THSD7B: variants seen among roughly 807,000 people sequenced by gnomAD.
The protein encoded by THSD7B is thrombospondin type-1 domain-containing protein 7B.
In THSD7B, 138 loss-of-function variants were observed where a neutral mutation model predicts 213.6. That is an observed-to-expected ratio of 0.65 (90% confidence interval 0.56 to 0.74). THSD7B has a LOEUF of 0.74. Among genes scored for constraint, THSD7B ranks in the 30% least tolerant of loss-of-function variants. The pLI, the probability that THSD7B is intolerant of heterozygous loss-of-function variation, is 0.00. For synonymous variants in THSD7B, 742 were observed against 687.0 expected (o/e 1.08, Z -1.25); for missense variants, 1,931 against 1,991.5 (o/e 0.97, Z 0.58).
At chr2:137,325,580 G>GAC (rs145681799) in intron 12 of THSD7B, among the ~76,000 whole-genome samples, 6 of 151,384 alleles carry the variant, frequency 4.0e-5, no homozygotes, top group South Asian at 2.1e-4. Context: ...ATAACTCACA[G>GAC]ACACACACAC....
At chr2:136,940,712 T>TATATATATATATATATA (rs1558860482) in intron 2 of THSD7B, among the ~76,000 whole-genome samples, 1 of 34,608 alleles carries the variant, frequency 2.9e-5, no homozygotes, top group African/African-American at 8.8e-5. Flanking sequence ...TGTGTGTGTG[T>TATATATATATATATATA]ATATATATAT....
chr2:137,030,192 A>G (rs1686638999), intron 2 of THSD7B, among the ~76,000 whole-genome samples: 1 of 152,234 alleles, frequency 6.6e-6, no homozygotes, highest in Non-Finnish European at 1.5e-5. Context: ...ACAGACAACA[A>G]GAGATACTCC....
chr2:137,056,747 A>G lies in THSD7B; in HGVS notation c.467A>G (p.Asn156Ser). The G allele has an allele frequency of 6.2e-7, 1 of 1,614,012 alleles. No individual in the cohort carries two copies. The highest frequency in any genetic ancestry group is 8.5e-7 in the Non-Finnish European group (1 of 1,179,888). ...IQKLNRTVVA[N>S]EICEHFALQP... ...AAGCTGAACCGAACTGTGGTTGCAA[A>G]TGAAATATGCGAACACTTTGCCCTT... Residue 156 changes from asparagine to serine, a missense_variant, in exon 3 of 28, where the codon AAT (asparagine) becomes AGT (serine). Transcript: ENST00000409968.
chr2:137,601,055 TACA>T (rs1359469858), intron 17 of THSD7B, among the ~76,000 whole-genome samples: 1 of 152,204 alleles, frequency 6.6e-6, no homozygotes, highest in African/African-American at 2.4e-5. Context: ...TGTTAGGCTA[TACA>T]ACGTGTTTGT....
intron 20 of THSD7B, among the ~76,000 whole-genome samples, chr2:137,637,774 C>T (rs138456294): frequency 1.3e-5 from 2 of 152,172 alleles, no homozygotes; most frequent in African/African-American, 4.8e-5. Context: ...CTCAGCATGC[C>T]ATCAATTCAA....
intron 12 of THSD7B, among the ~76,000 whole-genome samples, chr2:137,373,321 A>G (rs1685574621): frequency 6.6e-6 from 1 of 152,172 alleles, no homozygotes; most frequent in Admixed American, 6.5e-5. Context: ...CCAACAGTGT[A>G]CAAGTGTTCC....
At chr2:137,143,186 A>G (rs1190222023) in intron 5 of THSD7B, among the ~76,000 whole-genome samples, 2 of 152,146 alleles carry the variant, frequency 1.3e-5, no homozygotes, top group African/African-American at 4.8e-5. Flanking sequence ...CACGTGCCTG[A>G]TCTTTTTCTT....
At chr2:136,857,934 C>T (rs1683201189) in intron 1 of THSD7B, among the ~76,000 whole-genome samples, 1 of 152,180 alleles carries the variant, frequency 6.6e-6, no homozygotes, top group African/African-American at 2.4e-5. Context: ...TTGTTTTTCT[C>T]CTCTGTCTAC....
intron 12 of THSD7B, among the ~76,000 whole-genome samples, chr2:137,390,238 T>G (rs1324089585): frequency 6.6e-6 from 1 of 152,158 alleles, no homozygotes; most frequent in Non-Finnish European, 1.5e-5. Context: ...TGTTTTATAG[T>G]TTTTCTTATA....
At chr2:137,644,564 C>T (rs1003917818) in intron 21 of THSD7B, among the ~76,000 whole-genome samples, 20 of 152,192 alleles carry the variant, frequency 1.3e-4, no homozygotes, top group African/African-American at 4.3e-4. Context: ...TACATTCCTA[C>T]TTTTCCTGCA....
intron 21 of THSD7B, among the ~76,000 whole-genome samples, chr2:137,643,588 T>G (rs1314716754): frequency 6.6e-6 from 1 of 152,344 alleles, no homozygotes; most frequent in East Asian, 1.9e-4. Flanking sequence ...ATTAATACTT[T>G]GTCTACTAGT....
In THSD7B at chr2:137,357,411, GT is replaced by G. The variant is rs570522669; in HGVS notation, c.2501-48195del. ...ATAATATGTTTTTCTGAGCTTTAGA[GT>G]TTTTTTGTTTGTTTGTTTGTTTACA... On this transcript the variant is annotated intron_variant, in intron 12 of 27. Coordinates refer to ENST00000409968, the MANE Select transcript of THSD7B (RefSeq NM_001316349.2). Among the ~76,000 whole-genome samples the G allele has an allele frequency of 3.5e-3, 534 of 151,646 alleles. 3 individuals carry two copies. The highest frequency in any genetic ancestry group is 0.012 in the African/African-American group (496 of 41,082).
At chr2:136,846,796 T>C (rs1015005590) in intron 1 of THSD7B, among the ~76,000 whole-genome samples, 1 of 152,178 alleles carries the variant, frequency 6.6e-6, no homozygotes, top group Non-Finnish European at 1.5e-5. Context: ...ATTTCCATAT[T>C]ACCTTTAGGA....
intron 5 of THSD7B, among the ~76,000 whole-genome samples, chr2:137,131,992 T>C (rs568447712): frequency 2.0e-4 from 30 of 150,942 alleles, no homozygotes; most frequent in African/African-American, 4.4e-4. Context: ...TTTCACGATA[T>C]TGATTCTTCC....
chr2:136,974,562 G>T (rs1471166180), intron 2 of THSD7B, among the ~76,000 whole-genome samples: 1 of 152,166 alleles, frequency 6.6e-6, no homozygotes, highest in South Asian at 2.1e-4. Context: ...GTATTCCATT[G>T]TGTATATGTA....
At chr2:137,615,316 G>T (rs1682363360) in intron 17 of THSD7B, among the ~76,000 whole-genome samples, 1 of 152,214 alleles carries the variant, frequency 6.6e-6, no homozygotes, top group South Asian at 2.1e-4. Context: ...GCTCAAAAAG[G>T]AAGAGAAGAA....
intron 27 of THSD7B, among the ~76,000 whole-genome samples, chr2:137,672,721 G>A (rs1449116031): frequency 6.6e-6 from 1 of 152,176 alleles, no homozygotes; most frequent in Non-Finnish European, 1.5e-5. Flanking sequence ...CAGGTCTTTG[G>A]TGTATACTTC....
At chr2:136,932,592 G>T (rs984893404) in intron 2 of THSD7B, among the ~76,000 whole-genome samples, 5 of 152,062 alleles carry the variant, frequency 3.3e-5, no homozygotes, top group African/African-American at 1.2e-4. Flanking sequence ...CTAGAGAAAA[G>T]AAAACATTAT....
rs146312556 is a variant in THSD7B at position 137,164,020 on chromosome 2, C to A, written c.1525+3652C>A. Among the ~76,000 whole-genome samples the A allele has an allele frequency of 5.3e-5, 8 of 152,254 alleles. No individual in the cohort carries two copies. In the East Asian group the frequency reaches 9.7e-4, roughly 18 times the overall value. ...CTGAGAAGAGAAGCCATCTGCCCAT[C>A]ATGCACCACATTGGTCAGTGTGAGC... is the stretch of plus-strand genomic sequence containing the variant. On this transcript the variant is annotated intron_variant, in intron 6 of 27. Transcript: ENST00000409968.
Sources: gnomAD v4.1 joint callset for allele counts (sites outside exome capture counted in the v4.1 genomes callset) on GRCh38, gnomAD v4.1.1 for gene constraint, MANE v1.5 for transcripts, NCBI Gene and HGNC (gene_info 2026-07-23, HGNC 2026-07-21) for gene names.